Variants in EEFSEC observed in about 807,000 individuals in gnomAD.
EEFSEC encodes eukaryotic elongation factor, selenocysteine-tRNA specific, also known as selenocysteine-specific elongation factor.
A neutral mutation model predicts 42.1 loss-of-function variants in EEFSEC; 43 were observed. That is an observed-to-expected ratio of 1.02 (90% CI 0.80 to 1.32). The LOEUF (loss-of-function observed/expected upper bound fraction) is 1.32. Among genes scored for constraint, EEFSEC ranks in the 40% most tolerant of loss-of-function variants. The probability of loss-of-function intolerance (pLI) is 0.00; values close to 1 mark genes in which losing one functional copy is unlikely to be tolerated. For missense variants in EEFSEC, 745 were observed against 803.6 expected (o/e 0.93, Z 0.88); for synonymous variants, 354 against 339.1 (o/e 1.04, Z -0.48).
chr3:128,351,386 C>T (rs933108799), intron 5 of EEFSEC, among the ~76,000 whole-genome samples: 12 of 152,348 alleles, frequency 7.9e-5, no homozygotes, highest in African/African-American at 2.4e-4. Context: ...CTGATCCTAA[C>T]AACAACCTTT....
intron 5 of EEFSEC, among the ~76,000 whole-genome samples, chr3:128,357,272 G>A (rs2067465914): frequency 6.6e-6 from 1 of 152,254 alleles, no homozygotes; most frequent in South Asian, 2.1e-4. Context: ...TCCAGTCGCT[G>A]ATCAAGCCTC....
Position 128,341,503 on chromosome 3 carries a change from C to T in EEFSEC, c.1057C>T (p.Pro353Ser), listed in dbSNP as rs374389896. ...TVMGRLMFFSPAPDNFDQEPI... is the reference protein window; with the variant it reads ...TVMGRLMFFSSAPDNFDQEPI... The stretch of plus-strand genomic sequence containing the variant: ...CATGGGCCGGTTGATGTTCTTCAGT[C>T]CTGCTCCAGATAACTTTGACCAGGA... The change falls in exon 5 of 7, where the codon CCT becomes TCT. Residue 353 changes from proline to serine, a missense_variant. Coordinates refer to ENST00000254730, the MANE Select transcript of EEFSEC (RefSeq NM_021937.5). The T allele has an allele frequency of 1.2e-5, 19 of 1,614,154 alleles. No homozygotes were observed. The highest frequency in any genetic ancestry group is 2.2e-5 in the South Asian group (2 of 91,078).
intron 6 of EEFSEC, among the ~76,000 whole-genome samples, chr3:128,395,025 G>T (rs2067964593): frequency 6.6e-6 from 1 of 152,224 alleles, no homozygotes; most frequent in Non-Finnish European, 1.5e-5. Context: ...TGCAGCGTTG[G>T]TCTCCACGGC....
intron 2 of EEFSEC, among the ~76,000 whole-genome samples, chr3:128,254,875 G>A (rs1230555995): frequency 6.6e-6 from 1 of 152,132 alleles, no homozygotes; most frequent in Non-Finnish European, 1.5e-5. Flanking sequence ...TGGGAGGCCT[G>A]GGGTGAGAAG....
At chr3:128,289,215 G>A (rs2066617579) in intron 4 of EEFSEC, among the ~76,000 whole-genome samples, 1 of 152,156 alleles carries the variant, frequency 6.6e-6, no homozygotes, top group Admixed American at 6.5e-5. Context: ...CTCCCCAGTG[G>A]CCTAAATGCT....
At chr3:128,302,839 TTTA>T (rs1313570771) in intron 4 of EEFSEC, among the ~76,000 whole-genome samples, 1 of 152,210 alleles carries the variant, frequency 6.6e-6, no homozygotes, top group African/African-American at 2.4e-5. Flanking sequence ...AAATGGTTGT[TTTA>T]TTATTGTGAT....
chr3:128,279,536 T>G (rs554627511), intron 4 of EEFSEC, among the ~76,000 whole-genome samples: 16 of 152,336 alleles, frequency 1.1e-4, no homozygotes, highest in Admixed American at 1.0e-3. Context: ...CCTGCACCCT[T>G]CAGGGGCCCT....
At chr3:128,311,402 G>C (rs1019198279) in intron 4 of EEFSEC, among the ~76,000 whole-genome samples, 2 of 152,248 alleles carry the variant, frequency 1.3e-5, no homozygotes, top group Non-Finnish European at 2.9e-5. Flanking sequence ...CCAGATTCCT[G>C]TAGGGAAGGA....
At chr3:128,354,013 C>T (rs1369115639) in intron 5 of EEFSEC, among the ~76,000 whole-genome samples, 1 of 152,124 alleles carries the variant, frequency 6.6e-6, no homozygotes, top group Non-Finnish European at 1.5e-5. Context: ...TCCAGCCTCC[C>T]CTCCCCTGGG....
At chr3:128,392,706 G>C (rs2067929604) in intron 6 of EEFSEC, among the ~76,000 whole-genome samples, 1 of 152,226 alleles carries the variant, frequency 6.6e-6, no homozygotes, top group Non-Finnish European at 1.5e-5. Context: ...AGACCACTGT[G>C]CACAACCACT....
At chr3:128,169,088 T>C (rs2065269073) in intron 1 of EEFSEC, among the ~76,000 whole-genome samples, 1 of 152,122 alleles carries the variant, frequency 6.6e-6, no homozygotes, top group Admixed American at 6.5e-5. Context: ...AAATAAAACA[T>C]GCGGAATTAT....
chr3:128,264,535 C>CA, intron 3 of EEFSEC, 82 bp from the exon 4 acceptor site: 1 of 1,486,906 alleles, frequency 6.7e-7, no homozygotes, highest in Non-Finnish European at 9.1e-7. Flanking sequence ...AACTGCTGGT[C>CA]AGCCACATTC....
At chr3:128,415,838 C>G in the EEFSEC span, among the ~76,000 whole-genome samples, 1 of 152,202 alleles carries the variant, frequency 6.6e-6, no homozygotes, top group African/African-American at 2.4e-5. Flanking sequence ...TTTTGGGACC[C>G]CTGCTTCCTG....
At chr3:128,310,610 A>G (rs766418586) in intron 4 of EEFSEC, among the ~76,000 whole-genome samples, 6 of 152,226 alleles carry the variant, frequency 3.9e-5, no homozygotes, top group Non-Finnish European at 5.9e-5. Flanking sequence ...CACTGTACAG[A>G]TAGACTGTAT....
At chr3:128,354,543 C>T (rs982352370) in intron 5 of EEFSEC, among the ~76,000 whole-genome samples, 7 of 152,160 alleles carry the variant, frequency 4.6e-5, no homozygotes, top group African/African-American at 7.2e-5. Flanking sequence ...AAACAAGGAA[C>T]TCTGGGAGCC....
intron 6 of EEFSEC, among the ~76,000 whole-genome samples, chr3:128,371,602 G>A (rs111304394): frequency 1.5e-4 from 23 of 152,120 alleles, no homozygotes; most frequent in Non-Finnish European, 2.8e-4. Context: ...TGGTTGGAGG[G>A]GGCAAGCCAA....
At chr3:128,364,959 G>A (rs918590829) in intron 6 of EEFSEC, among the ~76,000 whole-genome samples, 1 of 152,224 alleles carries the variant, frequency 6.6e-6, no homozygotes, top group Non-Finnish European at 1.5e-5. Context: ...GGGCCAGCAG[G>A]AGTAAGTGGG....
rs141800466 is a variant in EEFSEC, at chr3:128,278,932, G to A, written c.786+14151G>A. Among the ~76,000 whole-genome samples, 530 of 152,328 alleles carry A rather than the reference G, an allele frequency of 3.5e-3. 1 individual carries two copies. The highest frequency in any genetic ancestry group is 0.012 in the African/African-American group (493 of 41,584). The stretch of plus-strand genomic sequence containing the variant: ...CTGCTGCTGTGGCAGCTGCTGCTGC[G>A]AAACAAACCAGGGTGACTGGGCGGA... On this transcript the variant is annotated intron_variant, in intron 4 of 6. Coordinates refer to ENST00000254730, the MANE Select transcript of EEFSEC (RefSeq NM_021937.5).
chr3:128,257,591 T>A (rs979397869), intron 2 of EEFSEC, among the ~76,000 whole-genome samples: 3 of 152,338 alleles, frequency 2.0e-5, no homozygotes, highest in African/African-American at 7.2e-5. Context: ...CCACACCTAG[T>A]TTAACACCAG....
Sources: allele counts gnomAD v4.1 joint callset (sites outside exome capture counted in the v4.1 genomes callset), GRCh38; gene constraint gnomAD v4.1.1; transcripts MANE v1.5; gene names NCBI Gene and HGNC (gene_info 2026-07-23, HGNC 2026-07-21).